The following CSF1 variants were observed in gnomAD, a reference collection of about 807,000 sequenced individuals.
CSF1 encodes the protein colony stimulating factor 1.
In CSF1, 9 loss-of-function variants were observed where a neutral mutation model predicts 48.9. The ratio of observed to expected loss-of-function variants is 0.18; its 90% CI spans 0.11 to 0.32. The LOEUF (loss-of-function observed/expected upper bound fraction) is 0.32, where lower values mean the gene tolerates loss of function less well. Among genes scored for constraint, CSF1 ranks in the 10% least tolerant of loss-of-function variants. CSF1 has a pLI of 1.00. For synonymous variants in CSF1, 305 were observed against 284.1 expected, an observed-to-expected ratio of 1.07 and a Z score of -0.74; for missense variants, 672 against 697.9, an observed-to-expected ratio of 0.96 and a Z score of 0.42.
chr1:109,915,446 C>A (rs941783775), intron 2 of CSF1, among the ~76,000 whole-genome samples, 188 bp from the exon 3 acceptor site: 12 of 152,162 alleles, frequency 7.9e-5, no homozygotes, highest in African/African-American at 2.9e-4. Context: ...TCTTCTACAG[C>A]CTTCCCCTGG....
chr1:109,919,171 C>T (rs1485440082), intron 4 of CSF1, among the ~76,000 whole-genome samples: 2 of 152,088 alleles, frequency 1.3e-5, no homozygotes, highest in Admixed American at 6.6e-5. Context: ...AACTTGGATC[C>T]GAATGGGGGC....
At chr1:109,923,026 A>C in intron 5 of CSF1, 140 bp from the exon 6 acceptor site, 1 of 760,544 alleles carries the variant, frequency 1.3e-6, no homozygotes, top group Non-Finnish European at 2.0e-6. Context: ...TCCTCTTCTC[A>C]GCCCCAGGGC....
chr1:109,910,638 T>G (rs1654632854), upstream of CSF1: 1 of 128,184 alleles, frequency 7.8e-6, no homozygotes, highest in Non-Finnish European at 1.5e-5. Context: ...AGAGGGTGAC[T>G]AGGAAGACGC....
At chr1:109,914,071 G>T (rs551652143) in intron 1 of CSF1, among the ~76,000 whole-genome samples, 188 bp from the exon 2 acceptor site, 133 of 152,336 alleles carry the variant, frequency 8.7e-4, no homozygotes, top group Non-Finnish European at 1.0e-3. Flanking sequence ...TTTCATGGGA[G>T]AACAAGGTTG....
intron 3 of CSF1, 107 bp downstream of exon 3, chr1:109,915,803 G>A: frequency 1.1e-6 from 1 of 935,246 alleles, no homozygotes; most frequent in South Asian, 1.4e-5. Context: ...GCTGGAAAGG[G>A]TGAGAGTGTG....
intron 5 of CSF1, among the ~76,000 whole-genome samples, chr1:109,922,711 C>T (rs552270348): frequency 1.4e-5 from 2 of 146,634 alleles, no homozygotes; most frequent in South Asian, 2.2e-4. Flanking sequence ...TAGCCCCAGC[C>T]TGTTCCTGCC....
Position 109,914,280 on chromosome 1 carries a change from T to C in CSF1, c.61T>C (p.Leu21=). ...PPTTWLGSLL[L]LVCLLASRSI... is the part of the protein sequence containing the mutation. ...ACAGACATGGCTGGGCTCCCTGCTG[T>C]TGTTGGTCTGTCTCCTGGCGAGCAG... Residue 21 remains leucine (L), a synonymous_variant, in exon 2 of 9, where the codon TTG becomes CTG. Coordinates refer to ENST00000329608, the MANE Select transcript of CSF1 (RefSeq NM_000757.6). The C allele has an allele frequency of 3.7e-6, 6 of 1,607,024 alleles. No homozygotes were observed. The highest frequency in any genetic ancestry group is 2.2e-5 in the East Asian group (1 of 44,642).
At chr1:109,928,039 C>T (rs985793466) in intron 8 of CSF1, among the ~76,000 whole-genome samples, 8 of 152,210 alleles carry the variant, frequency 5.3e-5, no homozygotes, top group African/African-American at 1.4e-4. Flanking sequence ...CATCTTCCCT[C>T]CTTACCCAGT....
upstream of CSF1, chr1:109,910,678 G>A (rs556372391): frequency 3.0e-6 from 1 of 338,804 alleles, no homozygotes; most frequent in East Asian, 7.5e-5. Flanking sequence ...CGGCGGGTGG[G>A]GGAGGGGAGG....
Position 109,921,986 on chromosome 1 carries a change from C to G in CSF1, c.536C>G (p.Ser179Cys), listed in dbSNP as rs1413875722. 1 of 1,597,826 alleles carries G rather than the reference C, an allele frequency of 6.3e-7. No individual in the cohort carries two copies. The highest frequency in any genetic ancestry group is 2.3e-5 in the East Asian group (1 of 44,232). The change falls in exon 5 of 9, where the codon TCC (serine) becomes TGC (cysteine). Residue 179 changes from serine (S) to cysteine (C), a missense_variant. Coordinates refer to ENST00000329608, the MANE Select transcript of CSF1 (RefSeq NM_000757.6). ...TGCAACAACAGCTTTGCTGAATGCTCCAGCCAAGGTAAGCATGGCAGGGGC... is the reference window on the plus strand; with the variant it reads ...TGCAACAACAGCTTTGCTGAATGCTGCAGCCAAGGTAAGCATGGCAGGGGC... ...KNCNNSFAEC[S>C]SQDVVTKPDC... is the part of the protein sequence containing the mutation.
intron 4 of CSF1, among the ~76,000 whole-genome samples, chr1:109,921,289 C>T (rs933775734): frequency 6.6e-6 from 1 of 152,260 alleles, no homozygotes; most frequent in Non-Finnish European, 1.5e-5. Context: ...GGTAGTGCTG[C>T]AGCCACACCA....
At position 109,923,729 on chromosome 1, in the gene CSF1, G is replaced by T. The variant is rs1407118910; in HGVS notation, c.1108G>T (p.Val370Leu). 1 of 1,611,900 alleles carries T rather than the reference G, an allele frequency of 6.2e-7. No homozygotes were observed. Among genetic ancestry groups the T allele is most frequent in the Non-Finnish European group, 8.5e-7 (1 of 1,178,838 alleles). Reference protein sequence around the residue: ...ADVTGTALPRVGPVRPTGQDW... With the variant: ...ADVTGTALPRLGPVRPTGQDW... ...TGTAACTGGTACCGCCTTGCCCAGG[G>T]TGGGCCCCGTGAGGCCCACTGGCCA... The change falls in exon 6 of 9, where the codon GTG (valine) becomes TTG (leucine). Residue 370 changes from valine to leucine, a missense_variant. Physicochemically the swap from Val to Leu is conservative, Grantham distance 32 (BLOSUM62 1). This residue lies in a region of CSF1 where 591 missense variants were observed against 593.6 expected (regional missense o/e 1.00). Coordinates refer to ENST00000329608, the MANE Select transcript of CSF1 (RefSeq NM_000757.6).
chr1:109,929,825 A>C lies in CSF1; in HGVS notation c.*987A>C, dbSNP rs1217914941. On this transcript the variant is annotated 3_prime_UTR_variant, in exon 9 of 9. Transcript: ENST00000329608. Reference sequence around the variant, plus strand: ...CCTGGCCTTTGACTCCCCGGAGTGGAGTGGGGTGGGAGAACCTCCTGGGCC... The same window carrying C: ...CCTGGCCTTTGACTCCCCGGAGTGGCGTGGGGTGGGAGAACCTCCTGGGCC... The C allele has an allele frequency of 3.3e-5, 5 of 152,614 alleles. No homozygotes were observed. Among genetic ancestry groups the C allele is most frequent in the African/African-American group, 1.2e-4 (5 of 41,352 alleles). 9.5% of individuals were successfully genotyped at this position (152,614 alleles called of 1,614,324 possible).
At chr1:109,922,974 T>C (rs1327632203) in intron 5 of CSF1, among the ~76,000 whole-genome samples, 192 bp from the exon 6 acceptor site, 2 of 152,164 alleles carry the variant, frequency 1.3e-5, no homozygotes, top group African/African-American at 4.8e-5. Context: ...AGACCCTGCA[T>C]ACGGCACCTT....
In CSF1 at chr1:109,924,822, A is replaced by T; in HGVS notation, c.1616A>T (p.Glu539Val). 3 of 1,605,718 alleles carry T rather than the reference A, an allele frequency of 1.9e-6. No homozygotes were observed. Among genetic ancestry groups the T allele is most frequent in the Non-Finnish European group, 2.6e-6 (3 of 1,175,982 alleles). ...GCGGATTCTCCCTTGGAGCAACCAGAGGGCAGGTGAGAGCTTGAGGTGGGG... is the reference window on the plus strand; with the variant it reads ...GCGGATTCTCCCTTGGAGCAACCAGTGGGCAGGTGAGAGCTTGAGGTGGGG... ...QRADSPLEQP[E>V]GSPLTQDDRQ... Residue 539 changes from glutamate to valine, a missense_variant, in exon 7 of 9, where the codon GAG becomes GTG. Glu to Val is a moderately radical substitution (Grantham distance 121). Around this residue, in one of 3 missense-constraint regions of CSF1, gnomAD observed 591 missense variants for 593.6 expected, o/e 1.00. Coordinates refer to ENST00000329608, the MANE Select transcript of CSF1 (RefSeq NM_000757.6).
Position 109,911,061 on chromosome 1 carries a change from C to A in CSF1, c.38C>A (p.Thr13Lys), listed in dbSNP as rs1489663346. 2.7e-6 allele frequency: 3 copies of A among 1,096,226 alleles called. No homozygotes were observed. In the East Asian group the frequency reaches 1.8e-4, roughly 65 times the overall value. The allele number at this position is 1,096,226 out of a possible 1,614,324, so 67.9% of individuals were successfully genotyped here. A position where few individuals can be genotyped will look rare whatever the true frequency, so the allele number is the denominator to read the frequency against. The change falls in exon 1 of 9, where the codon ACG becomes AAG. Residue 13 changes from threonine to lysine, a missense_variant and splice_region_variant. Thr to Lys is a moderately conservative substitution (Grantham distance 78). Coordinates refer to ENST00000329608, the MANE Select transcript of CSF1 (RefSeq NM_000757.6). Reference sequence around the variant, plus strand: ...GGCGCCGCCGGGCGCTGCCCTCCCACGGTAAGCGACGGCCGCGGCGCTGGG... The same window carrying A: ...GGCGCCGCCGGGCGCTGCCCTCCCAAGGTAAGCGACGGCCGCGGCGCTGGG... ...APGAAGRCPP[T>K]TWLGSLLLLV...
In CSF1 at chr1:109,914,274, C is replaced by T; in HGVS notation, c.55C>T (p.Leu19=). The change falls in exon 2 of 9, where the codon CTG becomes TTG. Residue 19 remains leucine, a synonymous_variant. Coordinates refer to ENST00000329608, the MANE Select transcript of CSF1 (RefSeq NM_000757.6). ...TCTGTCACAGACATGGCTGGGCTCCCTGCTGTTGTTGGTCTGTCTCCTGGC... is the reference window on the plus strand; with the variant it reads ...TCTGTCACAGACATGGCTGGGCTCCTTGCTGTTGTTGGTCTGTCTCCTGGC... The part of the protein sequence containing the change: ...RCPPTTWLGS[L]LLLVCLLASR... 6.2e-7 allele frequency: 1 copy of T among 1,606,188 alleles called. No homozygotes were observed. Among genetic ancestry groups the T allele is most frequent in the South Asian group, 1.1e-5 (1 of 88,900 alleles).
In CSF1 at chr1:109,911,076, G is replaced by A. The variant is rs1570783047; in HGVS notation, c.39+14G>A. ...TGCCCTCCCACGGTAAGCGACGGCC[G>A]CGGCGCTGGGCCCGGGACGGGCTGG... On this transcript the variant is annotated intron_variant, in intron 1 of 8. Coordinates refer to ENST00000329608, the MANE Select transcript of CSF1 (RefSeq NM_000757.6). The A allele has an allele frequency of 9.4e-6, 10 of 1,065,350 alleles. No homozygotes were observed. The highest frequency in any genetic ancestry group is 1.0e-5 in the Non-Finnish European group (9 of 884,394). 66.0% of individuals were successfully genotyped at this position (1,065,350 alleles called of 1,614,324 possible).
chr1:109,925,131 T>C lies in CSF1; in HGVS notation c.1623-16T>C. ...TCCTGCTGATGTCTAATACCAGCCC[T>C]GTGCTCTGCCTGCAGCCCCCTGACT... On this transcript the variant is annotated splice_polypyrimidine_tract_variant and intron_variant, in intron 7 of 8. Coordinates refer to ENST00000329608, the MANE Select transcript of CSF1 (RefSeq NM_000757.6). 1 of 1,613,202 alleles carries C rather than the reference T, an allele frequency of 6.2e-7. No individual in the cohort carries two copies. The highest frequency in any genetic ancestry group is 8.5e-7 in the Non-Finnish European group (1 of 1,179,494).
Sources: gnomAD v4.1 joint callset for allele counts (sites outside exome capture counted in the v4.1 genomes callset) on GRCh38, gnomAD v4.1.1 for gene constraint, gnomAD v4.1.1 regional missense constraint, MANE v1.5 for transcripts, NCBI Gene and HGNC (gene_info 2026-07-23, HGNC 2026-07-21) for gene names.